Variants in CPSF3 observed in about 807,000 individuals in gnomAD.
CPSF3 encodes cleavage and polyadenylation specificity factor subunit 3.
CPSF3 carries 57 observed loss-of-function variants against 84.1 expected under a neutral mutation model. The ratio of observed to expected loss-of-function variants is 0.68; its 90% CI spans 0.55 to 0.85. The LOEUF is 0.85. CPSF3 is among the 40% of genes least tolerant of loss of function. CPSF3 has a pLI of 0.00. For synonymous variants in CPSF3, 275 were observed against 278.1 expected, an observed-to-expected ratio of 0.99 and a Z score of 0.11; for missense variants, 522 against 838.8, an observed-to-expected ratio of 0.62 and a Z score of 4.66.
At chr2:9,456,789 T>C in intron 13 of CPSF3, 144 bp from the exon 14 acceptor site, 1 of 502,894 alleles carries the variant, frequency 2.0e-6, no homozygotes, top group Non-Finnish European at 3.6e-6. Flanking sequence ...TGTACTTTGC[T>C]GTTTAAAAAT....
In CPSF3 at chr2:9,441,815, T is replaced by C; in HGVS notation, c.937-3T>C. 1.9e-6 allele frequency: 3 copies of C among 1,614,008 alleles called. No homozygotes were observed. Among genetic ancestry groups the C allele is most frequent in the Non-Finnish European group, 2.5e-6 (3 of 1,179,988 alleles). ...ACTTTTCCCATTCTGTTTTCTCTCTTAGAGCATGGATCATTTTGATGACAT... is the reference window on the plus strand; with the variant it reads ...ACTTTTCCCATTCTGTTTTCTCTCTCAGAGCATGGATCATTTTGATGACAT... On this transcript the variant is annotated splice_polypyrimidine_tract_variant and splice_region_variant and intron_variant, in intron 8 of 17. Transcript: ENST00000238112.
chr2:9,458,543 A>G (rs947965996), intron 14 of CPSF3, among the ~76,000 whole-genome samples: 4 of 152,112 alleles, frequency 2.6e-5, no homozygotes, highest in Admixed American at 6.5e-5. Context: ...ACCAAATACT[A>G]TTAGAGGCTG....
At chr2:9,459,723 C>T in intron 15 of CPSF3, 105 bp downstream of exon 15, 1 of 527,012 alleles carries the variant, frequency 1.9e-6, no homozygotes, top group Non-Finnish European at 3.2e-6. Context: ...GATCTCAGCT[C>T]ACTGCATCCT....
At chr2:9,467,820 G>A (rs1265924371) in intron 16 of CPSF3, 44 bp downstream of exon 16, 4 of 1,493,266 alleles carry the variant, frequency 2.7e-6, no homozygotes, top group Non-Finnish European at 3.7e-6. Flanking sequence ...AGTGACAGCG[G>A]CCGGAAGGAG....
chr2:9,473,054 ACTC>A lies in CPSF3; in HGVS notation c.*38_*40del. ...TATATGAACTTTGAAAAAATACTTG[ACTC>A]TACTTTTGTTACCTAAAATAAAATG... On this transcript the variant is annotated 3_prime_UTR_variant, in exon 18 of 18. Transcript: ENST00000238112. 6.9e-7 allele frequency: 1 copy of A among 1,448,908 alleles called. No individual in the cohort carries two copies. The highest frequency in any genetic ancestry group is 1.2e-5 in the South Asian group (1 of 85,766). The allele number at this position is 1,448,908 out of a possible 1,614,324, so 89.8% of individuals were successfully genotyped here. A position where few individuals can be genotyped will look rare whatever the true frequency, so the allele number is the denominator to read the frequency against.
rs865990572 is a variant in CPSF3, at chr2:9,463,790, T to C, written c.1787-3917T>C. The stretch of plus-strand genomic sequence containing the variant: ...CCTAGCCCGCCTGCTTTGGTAAGTA[T>C]AGTGTTACCGAAACACAGCCGTGCG... On this transcript the variant is annotated intron_variant, in intron 15 of 17. Coordinates refer to ENST00000238112, the MANE Select transcript of CPSF3 (RefSeq NM_016207.4). Among the ~76,000 whole-genome samples, 11 of 152,330 alleles carry C rather than the reference T, an allele frequency of 7.2e-5. 1 individual carries two copies. In the South Asian group the frequency reaches 2.1e-3, roughly 29 times the overall value.
chr2:9,452,958 G>T lies in CPSF3; in HGVS notation c.1441G>T (p.Val481Phe). The change falls in exon 12 of 18, where the codon GTC becomes TTC. Residue 481 changes from valine to phenylalanine, a missense_variant. This residue lies in a region of CPSF3 where 329 missense variants were observed against 607.2 expected (regional missense o/e 0.54). Coordinates refer to ENST00000238112, the MANE Select transcript of CPSF3 (RefSeq NM_016207.4). ...ADKKPEQGQR[V>F]SGILVKRNFN... The stretch of plus-strand genomic sequence containing the variant: ...CAAAAAACCAGAACAAGGCCAGCGG[G>T]TCTCAGGAATACTTGTTAAAAGAAA... The T allele has an allele frequency of 6.2e-7, 1 of 1,611,786 alleles. No homozygotes were observed. Among genetic ancestry groups the T allele is most frequent in the Non-Finnish European group, 8.5e-7 (1 of 1,179,440 alleles).
In CPSF3 at chr2:9,438,809, G is replaced by A. The variant is rs191226346; in HGVS notation, c.761-1682G>A. ...GATATTTTTATCTGGCAATTCTACCGTCTGTTCTTTGCAACTGGTTGCCCT... is the reference window on the plus strand; with the variant it reads ...GATATTTTTATCTGGCAATTCTACCATCTGTTCTTTGCAACTGGTTGCCCT... On this transcript the variant is annotated intron_variant, in intron 7 of 17. Transcript: ENST00000238112. 1.1e-3 allele frequency among the ~76,000 whole-genome samples: 170 copies of A among 152,116 alleles called. 1 individual carries two copies. Among genetic ancestry groups the A allele is most frequent in the East Asian group, 9.6e-3 (50 of 5,186 alleles).
At chr2:9,453,506 A>G (rs1363794087) in intron 12 of CPSF3, among the ~76,000 whole-genome samples, 1 of 152,238 alleles carries the variant, frequency 6.6e-6, no homozygotes, top group Non-Finnish European at 1.5e-5. Flanking sequence ...TTTTTTCATT[A>G]CATTGAAACT....
At chr2:9,443,181 A>T (rs1385886262) in intron 9 of CPSF3, among the ~76,000 whole-genome samples, 1 of 152,206 alleles carries the variant, frequency 6.6e-6, no homozygotes, top group East Asian at 1.9e-4. Flanking sequence ...AGATTTTCAG[A>T]ATAGAAATAT....
chr2:9,431,531 T>TATA (rs202064001), intron 4 of CPSF3, among the ~76,000 whole-genome samples: 2 of 104,834 alleles, frequency 1.9e-5, no homozygotes, highest in Admixed American at 8.5e-5. Context: ...ATATACATAT[T>TATA]TTTTTTTTCT....
intron 17 of CPSF3, among the ~76,000 whole-genome samples, chr2:9,472,361 A>G (rs1238086850): frequency 6.6e-6 from 1 of 151,244 alleles, no homozygotes; most frequent in African/African-American, 2.4e-5. Context: ...ATTATTAGTG[A>G]GTTTCAGTCA....
At chr2:9,469,343 G>A (rs2124875525) in intron 16 of CPSF3, among the ~76,000 whole-genome samples, 1 of 152,238 alleles carries the variant, frequency 6.6e-6, no homozygotes, top group East Asian at 1.9e-4. Context: ...GCTATCCTGG[G>A]ACCCCCGGTT....
At chr2:9,466,381 CG>C (rs1681973311) in intron 15 of CPSF3, among the ~76,000 whole-genome samples, 1 of 79,834 alleles carries the variant, frequency 1.3e-5, no homozygotes, top group Non-Finnish European at 3.9e-5. Flanking sequence ...CCCACGCACT[CG>C]CACACACGCG....
intron 15 of CPSF3, among the ~76,000 whole-genome samples, chr2:9,466,983 T>C (rs1682002978): frequency 6.6e-6 from 1 of 152,214 alleles, no homozygotes; most frequent in African/African-American, 2.4e-5. Flanking sequence ...GATGTAAGTT[T>C]TTCTGCAGAC....
chr2:9,431,028 G>C (rs1286910765), intron 4 of CPSF3, 148 bp downstream of exon 4: 1 of 637,740 alleles, frequency 1.6e-6, no homozygotes, highest in Non-Finnish European at 2.7e-6. Flanking sequence ...CAAGGTCATT[G>C]AAACCTATTG....
chr2:9,468,407 G>T (rs1180314062), intron 16 of CPSF3, among the ~76,000 whole-genome samples: 1 of 151,822 alleles, frequency 6.6e-6, no homozygotes, highest in Non-Finnish European at 1.5e-5. Flanking sequence ...TATTTTTCTG[G>T]AGAGACAGGG....
Position 9,467,748 on chromosome 2 carries a change from T to C in CPSF3, c.1828T>C (p.Tyr610His). The C allele has an allele frequency of 1.2e-6, 2 of 1,613,858 alleles. No individual in the cohort carries two copies. The highest frequency in any genetic ancestry group is 4.5e-5 in the East Asian group (2 of 44,882). ...KVSKKLEMHV[Y>H]SKRLEIMLQD... ...TTCTAAAAAATTAGAAATGCACGTT[T>C]ACAGCAAGAGGTTGGAGATCATGCT... Residue 610 changes from tyrosine (Y) to histidine (H), a missense_variant, in exon 16 of 18, where the codon TAC becomes CAC. Physicochemically the swap from Tyr to His is moderately conservative, Grantham distance 83. Around this residue, in one of 2 missense-constraint regions of CPSF3, gnomAD observed 193 missense variants for 231.6 expected, o/e 0.83. Coordinates refer to ENST00000238112, the MANE Select transcript of CPSF3 (RefSeq NM_016207.4).
chr2:9,427,588 AGTT>A (rs766611761), intron 1 of CPSF3, among the ~76,000 whole-genome samples: 1 of 152,206 alleles, frequency 6.6e-6, no homozygotes, highest in Non-Finnish European at 1.5e-5. Context: ...TCTCATCCAC[AGTT>A]GTTTGATCTT....
Sources: gnomAD v4.1 joint callset for allele counts (sites outside exome capture counted in the v4.1 genomes callset) on GRCh38, gnomAD v4.1.1 for gene constraint, gnomAD v4.1.1 regional missense constraint, MANE v1.5 for transcripts, NCBI Gene and HGNC (gene_info 2026-07-23, HGNC 2026-07-21) for gene names.